CROCC2: variants seen among roughly 807,000 people sequenced by gnomAD.
CROCC2 encodes the protein ciliary rootlet coiled-coil protein 2.
In CROCC2, 163 loss-of-function variants were observed where a neutral mutation model predicts 177.6. The observed-to-expected ratio is 0.92, with a 90% CI of 0.81 to 1.05. The LOEUF is 1.05. Ranked by LOEUF, CROCC2 falls within the 50% of genes least tolerant of loss-of-function variation. CROCC2 has a pLI of 0.00. For synonymous variants in CROCC2, 904 were observed against 787.3 expected, an observed-to-expected ratio of 1.15 and a Z score of -2.48; for missense variants, 1,929 against 1,797.8, an observed-to-expected ratio of 1.07 and a Z score of -1.32.
intron 8 of CROCC2, 79 bp downstream of exon 8, chr2:240,932,493 C>T (rs1197248061): frequency 4.2e-6 from 3 of 710,896 alleles, no homozygotes; most frequent in Non-Finnish European, 7.9e-6. Flanking sequence ...CACAGGAAGC[C>T]TGGTGCGGCA....
chr2:240,974,350 T>G (rs1040695747), intron 27 of CROCC2, among the ~76,000 whole-genome samples: 2 of 142,784 alleles, frequency 1.4e-5, no homozygotes, highest in African/African-American at 2.8e-5. Context: ...TAGTTTACTT[T>G]TTTTTTTTTT....
intron 31 of CROCC2, among the ~76,000 whole-genome samples, chr2:240,992,654 AG>A (rs1254832443): frequency 6.6e-6 from 1 of 152,182 alleles, no homozygotes; most frequent in African/African-American, 2.4e-5. Context: ...CTCTGGGCAA[AG>A]GAGGAGTCAG....
intron 15 of CROCC2, 83 bp downstream of exon 15, chr2:240,946,336 A>G (rs1159549600): frequency 2.3e-6 from 3 of 1,323,932 alleles, no homozygotes; most frequent in Non-Finnish European, 3.1e-6. Flanking sequence ...TATGGGGACA[A>G]TCGCACCATG....
intron 4 of CROCC2, among the ~76,000 whole-genome samples, chr2:240,923,053 C>G (rs191270353): frequency 6.6e-6 from 1 of 152,062 alleles, no homozygotes; most frequent in Admixed American, 6.5e-5. Flanking sequence ...TTGTACCCAT[C>G]GCTATCAGAC....
At chr2:240,915,304 C>G (rs374943574) in intron 1 of CROCC2, among the ~76,000 whole-genome samples, 2 of 152,366 alleles carry the variant, frequency 1.3e-5, no homozygotes, top group African/African-American at 4.8e-5. Flanking sequence ...TGGATCCACA[C>G]GAGGGTTCTG....
intron 4 of CROCC2, among the ~76,000 whole-genome samples, chr2:240,925,366 C>T (rs1392529101): frequency 6.6e-6 from 1 of 152,170 alleles, no homozygotes; most frequent in East Asian, 1.9e-4. Flanking sequence ...CGCGTCACCC[C>T]GCCCCGCGAA....
rs2059711950 is a variant in CROCC2, at chr2:240,970,328, G to A, written c.4401+2066G>A. Among the ~76,000 whole-genome samples, 5 of 152,264 alleles carry A rather than the reference G, an allele frequency of 3.3e-5. No homozygotes were observed. In the South Asian group the frequency reaches 1.0e-3, roughly 32 times the overall value. On this transcript the variant is annotated intron_variant, in intron 27 of 31. Coordinates refer to ENST00000690015, the MANE Select transcript of CROCC2 (RefSeq NM_001351305.2). ...TGTGGTTTCAGCCTTCATTTCATCA[G>A]CCTGGCTCTGGTTTCAATCTCACCT...
chr2:240,983,131 A>G, intron 28 of CROCC2, 102 bp downstream of exon 28: 1 of 1,203,034 alleles, frequency 8.3e-7, no homozygotes, highest in South Asian at 1.5e-5. Context: ...GTCCCTCAAC[A>G]TGAAGGGAGG....
rs1239656595 is a variant in CROCC2, at chr2:240,965,834, C to G, written c.3802C>G (p.Arg1268Gly). The G allele has an allele frequency of 2.1e-6, 3 of 1,454,434 alleles. No homozygotes were observed. The highest frequency in any genetic ancestry group is 1.8e-6 in the Non-Finnish European group (2 of 1,101,222). 90.1% of individuals were successfully genotyped at this position (1,454,434 alleles called of 1,614,324 possible). The change falls in exon 24 of 32, where the codon CGA becomes GGA. Residue 1268 changes from arginine (R) to glycine (G), a missense_variant. Transcript: ENST00000690015. ...LQARLDQACH[R>G]IHSLEQELAQ... ...GGCTCGCCTGGACCAGGCCTGTCAC[C>G]GAATCCACAGCCTGGAGCAGGAGCT...
At chr2:240,990,614 ACT>A (rs777462551) in intron 30 of CROCC2, among the ~76,000 whole-genome samples, 2 of 151,272 alleles carry the variant, frequency 1.3e-5, no homozygotes, top group Admixed American at 6.6e-5. Flanking sequence ...ATGGATTCTC[ACT>A]CTGTCACCTG....
At chr2:240,914,205 G>A (rs141915462) in intron 1 of CROCC2, among the ~76,000 whole-genome samples, 7 of 152,324 alleles carry the variant, frequency 4.6e-5, no homozygotes, top group African/African-American at 1.7e-4. Flanking sequence ...ACCCTTGTGC[G>A]CGAGTGGGGG....
intron 28 of CROCC2, chr2:240,983,818 TG>T: frequency 3.0e-6 from 1 of 334,928 alleles, no homozygotes; most frequent in Admixed American, 4.4e-5. Context: ...TCCCCGGCTT[TG>T]TCTCCAGTGT....
Position 240,934,767 on chromosome 2 carries a change from C to T in CROCC2, c.1792-149C>T, listed in dbSNP as rs1428164020. ...CCTGGAGCCACCATTGGCCCTGAGA[C>T]CTCCCCACTGTGGCGACCTTCCCAC... On this transcript the variant is annotated intron_variant, in intron 12 of 31. Coordinates refer to ENST00000690015, the MANE Select transcript of CROCC2 (RefSeq NM_001351305.2). 47 of 866,090 alleles carry T rather than the reference C, an allele frequency of 5.4e-5. 1 individual carries two copies. The South Asian group carries it at 9.8e-4, about 18-fold the overall frequency. 53.7% of individuals were successfully genotyped at this position (866,090 alleles called of 1,614,324 possible). A position where few individuals can be genotyped will look rare whatever the true frequency, so the allele number is the denominator to read the frequency against.
At chr2:240,934,869 C>A (rs1326661912) in intron 12 of CROCC2, 47 bp from the exon 13 acceptor site, 7 of 1,450,700 alleles carry the variant, frequency 4.8e-6, no homozygotes, top group East Asian at 2.7e-5. Flanking sequence ...AACAGCCCTG[C>A]CCTGGAAGCT....
chr2:240,933,461 C>G (rs2059447479), intron 10 of CROCC2, 119 bp downstream of exon 10: 1 of 1,193,358 alleles, frequency 8.4e-7, no homozygotes, highest in Non-Finnish European at 1.1e-6. Context: ...GGGAGGGGTC[C>G]TTGCCTTCTA....
At position 240,965,913 on chromosome 2, in the gene CROCC2, G is replaced by C; in HGVS notation, c.3881G>C (p.Cys1294Ser). 1 of 1,426,122 alleles carries C rather than the reference G, an allele frequency of 7.0e-7. No homozygotes were observed. Among genetic ancestry groups the C allele is most frequent in the Non-Finnish European group, 9.2e-7 (1 of 1,090,720 alleles). The allele number at this position is 1,426,122 out of a possible 1,614,324, so 88.3% of individuals were successfully genotyped here. A position where few individuals can be genotyped will look rare whatever the true frequency, so the allele number is the denominator to read the frequency against. The change falls in exon 24 of 32, where the codon TGC (cysteine) becomes TCC (serine). Residue 1294 changes from cysteine (C) to serine (S), a missense_variant. By Grantham distance (112) the Cys-to-Ser change is moderately radical. Transcript: ENST00000690015. Reference protein sequence around the residue: ...QDAEAQLGRLCSTLRRGLGLQ... With the variant: ...QDAEAQLGRLSSTLRRGLGLQ... ...GCGGAGGCCCAGCTGGGCCGGCTGT[G>C]CTCCACGCTCCGCCGTGGCCTGGGG...
chr2:240,912,030 G>A (rs1454994655), intron 1 of CROCC2, among the ~76,000 whole-genome samples: 27 of 152,144 alleles, frequency 1.8e-4, no homozygotes, highest in Admixed American at 6.5e-5. Context: ...TGGGTCGCGC[G>A]GAGAGTCTAC....
rs73008023 is a variant in CROCC2, at chr2:240,965,418, G to A, written c.3503G>A (p.Gly1168Glu). 6,443 of 1,549,736 alleles carry A rather than the reference G, an allele frequency of 4.2e-3. 13 individuals carry two copies. Among genetic ancestry groups the A allele is most frequent in the Non-Finnish European group, 5.1e-3 (5,867 of 1,146,940 alleles). Reference sequence around the variant, plus strand: ...AAGGCCGAGAACCAGAGGAGGAGTGGAGAGGCCCATGAGCTGCAGGCGCAG... The same window carrying A: ...AAGGCCGAGAACCAGAGGAGGAGTGAAGAGGCCCATGAGCTGCAGGCGCAG... Reference protein sequence around the residue: ...TLKAENQRRSGEAHELQAQCS... With the variant: ...TLKAENQRRSEEAHELQAQCS... Residue 1168 changes from glycine (G) to glutamate (E), a missense_variant, in exon 23 of 32, where the codon GGA becomes GAA. Physicochemically the swap from Gly to Glu is moderately conservative, Grantham distance 98. This residue lies in a region of CROCC2 where 1,397 missense variants were observed against 1,239.9 expected (regional missense o/e 1.13). Transcript: ENST00000690015.
intron 26 of CROCC2, among the ~76,000 whole-genome samples, 155 bp from the exon 27 acceptor site, chr2:240,967,974 G>A (rs537159861): frequency 4.1e-4 from 63 of 152,134 alleles, no homozygotes; most frequent in African/African-American, 1.3e-3. Context: ...GTGGGAAGCC[G>A]GGACCCTGGG....
Sources: gnomAD v4.1 joint callset for allele counts (sites outside exome capture counted in the v4.1 genomes callset) on GRCh38, gnomAD v4.1.1 for gene constraint, gnomAD v4.1.1 regional missense constraint, MANE v1.5 for transcripts, NCBI Gene and HGNC (gene_info 2026-07-23, HGNC 2026-07-21) for gene names.